The following FRYL variants were observed in gnomAD, a reference collection of about 807,000 sequenced individuals.
FRYL encodes FRY like transcription coactivator, also known as protein furry homolog-like.
FRYL carries 150 observed loss-of-function variants against 351.2 expected under a neutral mutation model. The ratio of observed to expected loss-of-function variants is 0.43; its 90% confidence interval spans 0.37 to 0.49. The LOEUF (loss-of-function observed/expected upper bound fraction) is 0.49, where lower values mean the gene tolerates loss of function less well. Among genes scored for constraint, FRYL ranks in the 20% least tolerant of loss-of-function variants. The pLI is 0.00. For synonymous variants in FRYL, 1,153 were observed against 1,257.1 expected (o/e 0.92, Z 1.75); for missense variants, 3,036 against 3,619.3 (o/e 0.84, Z 4.13).
intron 1 of FRYL, among the ~76,000 whole-genome samples, chr4:48,753,913 G>A (rs1773505880): frequency 6.6e-6 from 1 of 151,816 alleles, no homozygotes; most frequent in Admixed American, 6.6e-5. Flanking sequence ...AATTGTCTTG[G>A]TGCCCTTGCC....
intron 3 of FRYL, among the ~76,000 whole-genome samples, chr4:48,639,612 T>C (rs1754934573): frequency 6.6e-6 from 1 of 152,060 alleles, no homozygotes. Context: ...TAAGTGATCT[T>C]GGGTTTGGAG....
intron 33 of FRYL, among the ~76,000 whole-genome samples, chr4:48,560,968 T>C (rs1735367913): frequency 6.6e-6 from 1 of 152,138 alleles, no homozygotes; most frequent in South Asian, 2.1e-4. Context: ...GTACTTACAC[T>C]GGAACAAGAT....
chr4:48,544,949 G>A (rs369301196), intron 42 of FRYL, 45 bp from the exon 43 acceptor site: 14 of 1,565,214 alleles, frequency 8.9e-6, no homozygotes, highest in African/African-American at 8.3e-5. Context: ...TTTCACTTGT[G>A]ATTAACAGTT....
Position 48,548,731 on chromosome 4 carries a change from C to T in FRYL, c.4847G>A (p.Trp1616Ter). 1 of 1,611,014 alleles carries T rather than the reference C, an allele frequency of 6.2e-7. No homozygotes were observed. Among genetic ancestry groups the T allele is most frequent in the Non-Finnish European group, 8.5e-7 (1 of 1,177,396 alleles). ...LIIDHSVKVE[W>*]GSYLHLLLHA... ...AAGAAGAAGATGGAGGTAGCTTCCC[C>T]ATTCCACCTTCACACTATGATCAAT... Residue 1616 changes from tryptophan to a stop codon, truncating the protein, a stop_gained, in exon 40 of 64, where the codon TGG (tryptophan) becomes TAG (stop). Coordinates refer to ENST00000358350, the MANE Select transcript of FRYL (RefSeq NM_015030.2). LOFTEE classifies it high-confidence loss of function.
chr4:48,578,906 T>C, intron 23 of FRYL, 67 bp downstream of exon 23: 2 of 1,389,016 alleles, frequency 1.4e-6, no homozygotes, highest in Non-Finnish European at 9.8e-7. Flanking sequence ...TTTGAATTTT[T>C]CAAATAAATA....
In FRYL at chr4:48,603,402, A is replaced by G. The variant is rs1267747983; in HGVS notation, c.835-14T>C. The G allele has an allele frequency of 3.5e-6, 5 of 1,446,168 alleles. No homozygotes were observed. The highest frequency in any genetic ancestry group is 4.8e-6 in the Non-Finnish European group (5 of 1,036,598). 89.6% of individuals were successfully genotyped at this position (1,446,168 alleles called of 1,614,324 possible). Reference sequence around the variant, plus strand: ...ATTTTTAACAGCCTAGTAAAAAGATAATGCAAACAAAGAAAATGATACAGA... The same window carrying G: ...ATTTTTAACAGCCTAGTAAAAAGATGATGCAAACAAAGAAAATGATACAGA... On this transcript the variant is annotated splice_polypyrimidine_tract_variant and intron_variant, in intron 11 of 63. Transcript: ENST00000358350.
chr4:48,629,534 G>C lies in FRYL; in HGVS notation c.120+4757C>G, dbSNP rs1368255654. ...ATGCCAGACATTGTTCTAGGTTCTG[G>C]AGATACAGCCATAACAAAACGGAAA... is the stretch of plus-strand genomic sequence containing the variant. On this transcript the variant is annotated intron_variant, in intron 4 of 63. Transcript: ENST00000358350. 2.6e-5 allele frequency among the ~76,000 whole-genome samples: 4 copies of C among 152,088 alleles called. No individual in the cohort carries two copies. In the East Asian group the frequency reaches 5.8e-4, roughly 22 times the overall value.
chr4:48,774,749 T>C (rs748543253), intron 1 of FRYL, among the ~76,000 whole-genome samples: 1 of 152,162 alleles, frequency 6.6e-6, no homozygotes, highest in Non-Finnish European at 1.5e-5. Context: ...GGTTTCACTA[T>C]GTTGGCCAGG....
At chr4:48,740,349 C>T (rs1771916863) in intron 1 of FRYL, among the ~76,000 whole-genome samples, 1 of 133,634 alleles carries the variant, frequency 7.5e-6, no homozygotes, top group African/African-American at 3.0e-5. Flanking sequence ...GGCTGGAATG[C>T]AGTGACGCGA....
At chr4:48,696,551 G>A (rs944826373) in intron 2 of FRYL, among the ~76,000 whole-genome samples, 2 of 152,006 alleles carry the variant, frequency 1.3e-5, no homozygotes, top group Non-Finnish European at 2.9e-5. Flanking sequence ...AGGAGAGGGA[G>A]AACACTAGGA....
chr4:48,543,445 T>A (rs1415214339), intron 44 of FRYL, among the ~76,000 whole-genome samples: 2 of 152,220 alleles, frequency 1.3e-5, no homozygotes, highest in African/African-American at 4.8e-5. Context: ...ACTGAAGTTC[T>A]CTAGTGCAAC....
chr4:48,716,896 G>C (rs1768899077), intron 1 of FRYL, among the ~76,000 whole-genome samples: 2 of 151,128 alleles, frequency 1.3e-5, no homozygotes, highest in African/African-American at 4.9e-5. Context: ...TGATAGACTG[G>C]ATTAAGAAAA....
At chr4:48,605,857 T>A (rs1269765204) in intron 10 of FRYL, 24 bp from the exon 11 acceptor site, 1 of 1,298,344 alleles carries the variant, frequency 7.7e-7, no homozygotes. Flanking sequence ...AGGTATATAC[T>A]TAGATTAACA....
Position 48,546,171 on chromosome 4 carries a change from G to T in FRYL, c.5175C>A (p.Asn1725Lys), listed in dbSNP as rs1252382687. 6.2e-7 allele frequency: 1 copy of T among 1,613,620 alleles called. No individual in the cohort carries two copies. The highest frequency in any genetic ancestry group is 8.5e-7 in the Non-Finnish European group (1 of 1,179,814). Residue 1725 changes from asparagine (N) to lysine (K), a missense_variant, in exon 42 of 64, where the codon AAC becomes AAA. Asn to Lys is a moderately conservative substitution (Grantham distance 94, BLOSUM62 0). This residue lies in a region of FRYL where 1,987 missense variants were observed against 2,311.7 expected (regional missense o/e 0.86). Transcript: ENST00000358350. ...TGTGCAGATGTGAAATGGCAGCACT[G>T]TTATTTCCTAAGCTGATACTAGAAG... ...STSSSISLGN[N>K]SAAISHLHTT...
At chr4:48,590,620 CTG>C (rs1338812049) in intron 17 of FRYL, 37 bp downstream of exon 17, 1 of 1,400,216 alleles carries the variant, frequency 7.1e-7, no homozygotes, top group South Asian at 1.3e-5. Context: ...GAATATGAAA[CTG>C]TATTACAAAG....
chr4:48,563,940 T>C lies in FRYL; in HGVS notation c.3596+8A>G. On this transcript the variant is annotated splice_region_variant and intron_variant, in intron 31 of 63. Transcript: ENST00000358350. ...CAAAATGAAACAAAAAACCTGTATC[T>C]AAAGTACCTGTTCTGGAAAACATTA... The C allele has an allele frequency of 6.2e-7, 1 of 1,603,246 alleles. No homozygotes were observed. The highest frequency in any genetic ancestry group is 8.5e-7 in the Non-Finnish European group (1 of 1,177,324).
At chr4:48,649,524 C>T (rs1223304968) in intron 3 of FRYL, among the ~76,000 whole-genome samples, 1 of 152,152 alleles carries the variant, frequency 6.6e-6, no homozygotes, top group East Asian at 1.9e-4. Context: ...GTGATCTTAG[C>T]ATTACATGAA....
At chr4:48,667,702 C>T (rs185911778) in intron 3 of FRYL, among the ~76,000 whole-genome samples, 4 of 152,218 alleles carry the variant, frequency 2.6e-5, no homozygotes, top group Non-Finnish European at 1.5e-5. Flanking sequence ...GACTGGAGTG[C>T]AGTGGTGCGA....
chr4:48,589,888 A>T lies in FRYL; in HGVS notation c.1508-11T>A. 1 of 1,601,216 alleles carries T rather than the reference A, an allele frequency of 6.2e-7. No homozygotes were observed. The highest frequency in any genetic ancestry group is 8.5e-7 in the Non-Finnish European group (1 of 1,170,718). On this transcript the variant is annotated splice_polypyrimidine_tract_variant and intron_variant, in intron 17 of 63. Coordinates refer to ENST00000358350, the MANE Select transcript of FRYL (RefSeq NM_015030.2). ...AGTAAACTGACATTCCTAGGGGAAA[A>T]AACTTCACAGTTATAAAATATCTGA...
Sources: gnomAD v4.1 joint callset for allele counts (sites outside exome capture counted in the v4.1 genomes callset) on GRCh38, gnomAD v4.1.1 for gene constraint, gnomAD v4.1.1 regional missense constraint, MANE v1.5 for transcripts, NCBI Gene and HGNC (gene_info 2026-07-23, HGNC 2026-07-21) for gene names.